The following CSTF3 variants were observed in gnomAD, a reference collection of about 807,000 sequenced individuals.
CSTF3 encodes CF-1 77 kDa subunit.
In CSTF3, 29 loss-of-function variants were observed where a neutral mutation model predicts 105.8. The ratio of observed to expected loss-of-function variants is 0.27; its 90% CI spans 0.20 to 0.37. The LOEUF (loss-of-function observed/expected upper bound fraction) is 0.37. Ranked by LOEUF, CSTF3 falls within the 10% of genes least tolerant of loss-of-function variation. The pLI is 1.00. For synonymous variants in CSTF3, 252 were observed against 281.9 expected, an observed-to-expected ratio of 0.89 and a Z score of 1.06; for missense variants, 357 against 879.3, an observed-to-expected ratio of 0.41 and a Z score of 7.51.
Position 33,099,804 on chromosome 11 carries a change from C to A in CSTF3, c.827-87G>T. On this transcript the variant is annotated intron_variant, in intron 10 of 20. Coordinates refer to ENST00000323959, the MANE Select transcript of CSTF3 (RefSeq NM_001326.3). The surrounding 1 kb of genome is among the most constrained non-coding windows in gnomAD (Gnocchi z 4.1). ...ATGTAAATATCATAACCAAATTAGG[C>A]TCCTCAAAAATTAATGATAATTAGA... 2.6e-6 allele frequency: 2 copies of A among 782,798 alleles called. No homozygotes were observed. Among genetic ancestry groups the A allele is most frequent in the East Asian group, 3.3e-5 (1 of 30,594 alleles). 48.5% of individuals were successfully genotyped at this position (782,798 alleles called of 1,614,324 possible).
In CSTF3 at chr11:33,102,225, T is replaced by G. The variant is rs1855287760; in HGVS notation, c.778A>C (p.Lys260Gln). 1 of 1,613,986 alleles carries G rather than the reference T, an allele frequency of 6.2e-7. No homozygotes were observed. The highest frequency in any genetic ancestry group is 1.3e-5 in the African/African-American group (1 of 74,938). The part of the protein sequence containing the change: ...DMWKKYIQWE[K>Q]SNPLRTEDQT... ...TCCTCTGTACGAAGAGGGTTGCTCT[T>G]TTCCCACTGTATATATTTCTTCCAC... The change falls in exon 10 of 21, where the codon AAG (lysine) becomes CAG (glutamine). Residue 260 changes from lysine (K) to glutamine (Q), a missense_variant. This residue lies in a region of CSTF3 where 206 missense variants were observed against 576.5 expected (regional missense o/e 0.36). Transcript: ENST00000323959.
At chr11:33,111,874 C>A (rs977895759) in intron 3 of CSTF3, among the ~76,000 whole-genome samples, 1 of 152,146 alleles carries the variant, frequency 6.6e-6, no homozygotes, top group Admixed American at 6.5e-5. Context: ...ATTTGAGAGA[C>A]CTTCTACAGA....
Position 33,087,031 on chromosome 11 carries a change from T to C in CSTF3, c.1752A>G (p.Pro584=). 1 of 1,614,148 alleles carries C rather than the reference T, an allele frequency of 6.2e-7. No homozygotes were observed. The highest frequency in any genetic ancestry group is 8.5e-7 in the Non-Finnish European group (1 of 1,180,016). ...EVDRKPEYPK[P]DTQQMIPFQP... ...GAAATGGAATCATCTGCTGAGTGTC[T>C]GGTTTAGGGTATTCTGGTTTTCTAT... The change falls in exon 18 of 21, where the codon CCA becomes CCG. Residue 584 remains proline, a synonymous_variant. Coordinates refer to ENST00000323959, the MANE Select transcript of CSTF3 (RefSeq NM_001326.3).
chr11:33,106,767 G>A (rs1855331392), intron 5 of CSTF3, among the ~76,000 whole-genome samples: 1 of 152,054 alleles, frequency 6.6e-6, no homozygotes, highest in Non-Finnish European at 1.5e-5. Context: ...TAAGGCTCAT[G>A]TCTTACTTAT....
chr11:33,123,776 C>G (rs868251411), intron 3 of CSTF3, among the ~76,000 whole-genome samples: 1 of 152,058 alleles, frequency 6.6e-6, no homozygotes, highest in South Asian at 2.1e-4. Flanking sequence ...TTAAACATCT[C>G]TAGATTCTGA....
intron 16 of CSTF3, 87 bp from the exon 17 acceptor site, chr11:33,090,814 T>C: frequency 1.3e-6 from 1 of 782,318 alleles, no homozygotes; most frequent in Non-Finnish European, 1.9e-6. Context: ...AAGCTCTCTC[T>C]TTTTCCCTTA....
In CSTF3 at chr11:33,099,696, C is replaced by G. The variant is rs1855260830; in HGVS notation, c.848G>C (p.Cys283Ser). The change falls in exon 11 of 21, where the codon TGC becomes TCC. Residue 283 changes from cysteine (C) to serine (S), a missense_variant. Physicochemically the swap from Cys to Ser is moderately radical, Grantham distance 112. Transcript: ENST00000323959. This position sits in a 1 kb window ranked among gnomAD's most constrained non-coding sequence, Gnocchi z 4.1. ...TKRVMFAYEQCLLVLGHHPDI... is the reference protein window; with the variant it reads ...TKRVMFAYEQSLLVLGHHPDI... ...AGGGTGATGGCCCAGCACAAGCAGG[C>G]ACTGTTCATAAGCAAACATAACTAA... 2 of 1,607,360 alleles carry G rather than the reference C, an allele frequency of 1.2e-6. No individual in the cohort carries two copies. Among genetic ancestry groups the G allele is most frequent in the African/African-American group, 1.3e-5 (1 of 74,696 alleles).
intron 1 of CSTF3, among the ~76,000 whole-genome samples, chr11:33,152,682 CG>C (rs1849803152): frequency 6.6e-6 from 1 of 152,094 alleles, no homozygotes; most frequent in African/African-American, 2.4e-5. Flanking sequence ...GAGCTTGGGC[CG>C]GGCGCGGTGA....
intron 3 of CSTF3, among the ~76,000 whole-genome samples, chr11:33,129,167 C>A (rs1036689437): frequency 6.6e-6 from 1 of 152,222 alleles, no homozygotes; most frequent in Admixed American, 6.5e-5. Flanking sequence ...TCTTGGCTCA[C>A]TGCAACCTCC....
At chr11:33,098,555 C>T (rs1192965987) in intron 13 of CSTF3, 135 bp downstream of exon 13, 2 of 564,794 alleles carry the variant, frequency 3.5e-6, no homozygotes, top group African/African-American at 4.0e-5. Flanking sequence ...GGTGGGGATC[C>T]CATACTCAAT....
intron 13 of CSTF3, among the ~76,000 whole-genome samples, chr11:33,097,935 G>A (rs1173521782): frequency 6.6e-6 from 1 of 152,130 alleles, no homozygotes; most frequent in Non-Finnish European, 1.5e-5. Flanking sequence ...AGTTCCTCAA[G>A]AAAAGGAATT....
At chr11:33,097,857 T>C (rs934191914) in intron 13 of CSTF3, among the ~76,000 whole-genome samples, 2 of 152,242 alleles carry the variant, frequency 1.3e-5, no homozygotes, top group African/African-American at 4.8e-5. Flanking sequence ...AGTAGGGTCC[T>C]GGTTTGCCCA....
At chr11:33,153,241 G>A (rs1849812319) in intron 1 of CSTF3, among the ~76,000 whole-genome samples, 1 of 152,002 alleles carries the variant, frequency 6.6e-6, no homozygotes, top group African/African-American at 2.4e-5. Context: ...TGAAAAATAT[G>A]AAAAAATTTT....
chr11:33,099,234 A>G lies in CSTF3; in HGVS notation c.937-84T>C, dbSNP rs1335640340. 3 of 1,475,862 alleles carry G rather than the reference A, an allele frequency of 2.0e-6. No homozygotes were observed. In the African/African-American group the frequency reaches 4.3e-5, roughly 21 times the overall value. The allele number at this position is 1,475,862 out of a possible 1,614,324, so 91.4% of individuals were successfully genotyped here. On this transcript the variant is annotated intron_variant, in intron 11 of 20. Transcript: ENST00000323959. This position sits in a 1 kb window ranked among gnomAD's most constrained non-coding sequence, Gnocchi z 4.1. Reference sequence around the variant, plus strand: ...AAATTAATAAAGTTACATCTACTTTATTTTATTTATGTGTCTAAGAAAGCA... The same window carrying G: ...AAATTAATAAAGTTACATCTACTTTGTTTTATTTATGTGTCTAAGAAAGCA...
intron 1 of CSTF3, among the ~76,000 whole-genome samples, chr11:33,158,242 G>A (rs1849890991): frequency 6.6e-6 from 1 of 152,128 alleles, no homozygotes; most frequent in Non-Finnish European, 1.5e-5. Flanking sequence ...TTGATAATCA[G>A]ATGTCTAAAT....
intron 1 of CSTF3, among the ~76,000 whole-genome samples, chr11:33,158,556 A>G (rs1193555536): frequency 6.6e-6 from 1 of 152,206 alleles, no homozygotes; most frequent in Non-Finnish European, 1.5e-5. Flanking sequence ...AGGTGATTTT[A>G]AAGAAAACGG....
At chr11:33,103,049 T>G in intron 9 of CSTF3, 58 bp downstream of exon 9, 1 of 1,119,354 alleles carries the variant, frequency 8.9e-7, no homozygotes, top group Non-Finnish European at 1.3e-6. Flanking sequence ...CAGGGAAAGC[T>G]CTGCTGTAAA....
In CSTF3 at chr11:33,102,350, A is replaced by G. The variant is rs1321435857; in HGVS notation, c.664-11T>C. 6 of 1,613,470 alleles carry G rather than the reference A, an allele frequency of 3.7e-6. No individual in the cohort carries two copies. In the East Asian group the frequency reaches 1.3e-4, roughly 36 times the overall value. ...TACTGTCTCATATTCCTAGACAACA[A>G]GGATTTAGAATTCTTTGGTGAGCCA... On this transcript the variant is annotated splice_polypyrimidine_tract_variant and intron_variant, in intron 9 of 20. Coordinates refer to ENST00000323959, the MANE Select transcript of CSTF3 (RefSeq NM_001326.3).
Position 33,099,522 on chromosome 11 carries a change from C to A in CSTF3, c.936+86G>T. ...AATTTTCAATACTTATGCTTTATTA[C>A]CAAAATTCAGTTATATTTTTCAGTA... On this transcript the variant is annotated intron_variant, in intron 11 of 20. Transcript: ENST00000323959. This position sits in a 1 kb window ranked among gnomAD's most constrained non-coding sequence, Gnocchi z 4.1. 1 of 907,786 alleles carries A rather than the reference C, an allele frequency of 1.1e-6. No individual in the cohort carries two copies. Among genetic ancestry groups the A allele is most frequent in the Non-Finnish European group, 1.7e-6 (1 of 593,454 alleles). The allele number at this position is 907,786 out of a possible 1,614,324, so 56.2% of individuals were successfully genotyped here. A position where few individuals can be genotyped will look rare whatever the true frequency, so the allele number is the denominator to read the frequency against.
Sources: gnomAD v4.1 joint callset for allele counts (sites outside exome capture counted in the v4.1 genomes callset) on GRCh38, gnomAD v4.1.1 for gene constraint, gnomAD v4.1.1 regional missense constraint, Gnocchi (gnomAD v3.1) non-coding constraint, MANE v1.5 for transcripts, NCBI Gene and HGNC (gene_info 2026-07-23, HGNC 2026-07-21) for gene names.